Variants in SERTAD2 observed in about 807,000 individuals in gnomAD.
SERTAD2 encodes the protein SERTA domain-containing protein 2.
In SERTAD2, 2 loss-of-function variants were observed where a neutral mutation model predicts 15.4. The observed-to-expected ratio is 0.13, with a 90% CI of 0.05 to 0.41. The LOEUF is 0.41. Ranked by LOEUF, SERTAD2 falls within the 10% of genes least tolerant of loss-of-function variation. The pLI, the probability that SERTAD2 is intolerant of heterozygous loss-of-function variation, is 0.99. For synonymous variants in SERTAD2, 180 were observed against 178.0 expected (o/e 1.01, Z -0.09); for missense variants, 333 against 409.7 (o/e 0.81, Z 1.62).
intron 1 of SERTAD2, among the ~76,000 whole-genome samples, chr2:64,647,677 A>T (rs941057313): frequency 2.5e-3 from 5 of 2,016 alleles, no homozygotes; most frequent in South Asian, 0.021. Context: ...TTTGTGTTTA[A>T]AAAAAAAAAA....
chr2:64,650,528 G>C (rs1441312625), intron 1 of SERTAD2, among the ~76,000 whole-genome samples: 1 of 152,172 alleles, frequency 6.6e-6, no homozygotes, highest in Non-Finnish European at 1.5e-5. Context: ...CCAGGGGACA[G>C]TTCTGTTCAT....
chr2:64,642,966 A>G (rs1674808626), intron 1 of SERTAD2, among the ~76,000 whole-genome samples: 1 of 152,282 alleles, frequency 6.6e-6, no homozygotes. Context: ...ATGCCACAAA[A>G]TGACTTTAAA....
chr2:64,640,473 G>A (rs1039617666), intron 1 of SERTAD2, among the ~76,000 whole-genome samples: 2 of 42,754 alleles, frequency 4.7e-5, no homozygotes, highest in Admixed American at 3.0e-4. Flanking sequence ...CTCCTCAGAA[G>A]CCTCTCTTTC....
intron 1 of SERTAD2, among the ~76,000 whole-genome samples, chr2:64,640,515 T>C (rs1288264209): frequency 6.6e-6 from 1 of 152,190 alleles, no homozygotes; most frequent in Non-Finnish European, 1.5e-5. Flanking sequence ...ACAATAGCTC[T>C]TTAACCACCC....
intron 1 of SERTAD2, among the ~76,000 whole-genome samples, chr2:64,645,690 T>G (rs956362040): frequency 6.6e-6 from 1 of 152,252 alleles, no homozygotes; most frequent in Admixed American, 6.5e-5. Context: ...TAAATATTTC[T>G]TTAGAATAAA....
rs1228389740 is a variant in SERTAD2 at position 64,636,600 on chromosome 2, T to C, written c.272A>G (p.Gln91Arg). The C allele has an allele frequency of 4.4e-6, 7 of 1,607,474 alleles. No individual in the cohort carries two copies. The highest frequency in any genetic ancestry group is 6.0e-6 in the Non-Finnish European group (7 of 1,175,836). Residue 91 changes from glutamine to arginine, a missense_variant, in exon 2 of 2, where the codon CAG (glutamine) becomes CGG (arginine). Transcript: ENST00000313349. ...SLRPMFTPSS[Q>R]PTTEPSDSYR... ...GCTGTCGCTGGGCTCGGTGGTGGGC[T>C]GGGAGGAGGGGGTGAACATGGGCCT... is the stretch of plus-strand genomic sequence containing the variant.
At chr2:64,652,825 T>C (rs1675041252) in intron 1 of SERTAD2, among the ~76,000 whole-genome samples, 1 of 144,768 alleles carries the variant, frequency 6.9e-6, no homozygotes, top group South Asian at 2.2e-4. Flanking sequence ...TCGCAATCTA[T>C]TACTACCACT....
At chr2:64,637,556 G>A (rs761565206) in intron 1 of SERTAD2, among the ~76,000 whole-genome samples, 1 of 152,184 alleles carries the variant, frequency 6.6e-6, no homozygotes, top group Admixed American at 6.5e-5. Context: ...GTATGTCCCA[G>A]CCTAAGTTCT....
chr2:64,641,910 C>A (rs2104344523), intron 1 of SERTAD2, among the ~76,000 whole-genome samples: 1 of 152,320 alleles, frequency 6.6e-6, no homozygotes, highest in East Asian at 1.9e-4. Context: ...CGTTGGGCCC[C>A]ACCTCCCATA....
At chr2:64,649,242 C>T (rs1453839336) in intron 1 of SERTAD2, among the ~76,000 whole-genome samples, 1 of 152,214 alleles carries the variant, frequency 6.6e-6, no homozygotes, top group African/African-American at 2.4e-5. Flanking sequence ...GTGGGGTACA[C>T]CAGCAGGCCT....
chr2:64,644,512 A>C (rs1674853933), intron 1 of SERTAD2: 1 of 152,268 alleles, frequency 6.6e-6, no homozygotes, highest in Admixed American at 6.5e-5. Flanking sequence ...GTGACACAGC[A>C]ACTTCCGAGC....
At chr2:64,646,227 A>G (rs1674897779) in intron 1 of SERTAD2, among the ~76,000 whole-genome samples, 1 of 152,240 alleles carries the variant, frequency 6.6e-6, no homozygotes, top group Non-Finnish European at 1.5e-5. Flanking sequence ...CTGGCTGATA[A>G]GTACAAGGCG....
intron 1 of SERTAD2, among the ~76,000 whole-genome samples, chr2:64,648,036 ATGT>A (rs1412970133): frequency 2.6e-5 from 4 of 152,224 alleles, no homozygotes; most frequent in Non-Finnish European, 4.4e-5. Context: ...AACCTGAGAA[ATGT>A]TGTTTCTTTT....
At chr2:64,640,179 A>T (rs1028955658) in intron 1 of SERTAD2, among the ~76,000 whole-genome samples, 1 of 152,218 alleles carries the variant, frequency 6.6e-6, no homozygotes, top group Non-Finnish European at 1.5e-5. Context: ...GCAACATAAT[A>T]AAAAGTGAAG....
In SERTAD2 at chr2:64,636,060, A is replaced by T; in HGVS notation, c.812T>A (p.Met271Lys). 1 of 1,614,164 alleles carries T rather than the reference A, an allele frequency of 6.2e-7. No homozygotes were observed. Among genetic ancestry groups the T allele is most frequent in the African/African-American group, 1.3e-5 (1 of 75,042 alleles). Residue 271 changes from methionine (M) to lysine (K), a missense_variant, in exon 2 of 2, where the codon ATG (methionine) becomes AAG (lysine). This residue lies in a region of SERTAD2 where 332 missense variants were observed against 392.9 expected (regional missense o/e 0.84). Coordinates refer to ENST00000313349, the MANE Select transcript of SERTAD2 (RefSeq NM_014755.3). ...CTSSSGTASK[M>K]APVSADDLLK... is the part of the protein sequence containing the mutation. ...GAGGTCGTCGGCAGACACAGGGGCC[A>T]TTTTTGAGGCTGTCCCTGATGAGGA...
intron 1 of SERTAD2, chr2:64,645,040 A>T (rs371091537): frequency 3.1e-3 from 11 of 3,524 alleles, no homozygotes; most frequent in African/African-American, 5.2e-3. Context: ...GGGATGCTTT[A>T]AAAAAAAAAA....
intron 1 of SERTAD2, among the ~76,000 whole-genome samples, chr2:64,652,458 G>C (rs1195568136): frequency 6.6e-6 from 1 of 152,210 alleles, no homozygotes; most frequent in African/African-American, 2.4e-5. Context: ...AAGCTACTGT[G>C]AACACTTAGG....
At chr2:64,646,964 C>T (rs937495425) in intron 1 of SERTAD2, among the ~76,000 whole-genome samples, 4 of 152,314 alleles carry the variant, frequency 2.6e-5, no homozygotes, top group Non-Finnish European at 5.9e-5. Context: ...TATAGATAGA[C>T]GCCTTTACTG....
chr2:64,642,584 G>A (rs894889894), intron 1 of SERTAD2, among the ~76,000 whole-genome samples: 5 of 151,974 alleles, frequency 3.3e-5, no homozygotes, highest in African/African-American at 9.7e-5. Flanking sequence ...TAAAGTGAGA[G>A]TATTAAATTG....
Sources: gnomAD v4.1 joint callset for allele counts (sites outside exome capture counted in the v4.1 genomes callset) on GRCh38, gnomAD v4.1.1 for gene constraint, gnomAD v4.1.1 regional missense constraint, MANE v1.5 for transcripts, NCBI Gene and HGNC (gene_info 2026-07-23, HGNC 2026-07-21) for gene names.